Variants in NMNAT2 observed in about 807,000 individuals in gnomAD.
NMNAT2 encodes nicotinamide nucleotide adenylyltransferase 2, also known as nicotinamide/nicotinic acid mononucleotide adenylyltransferase 2.
Under a neutral mutation model 41.6 loss-of-function variants are expected in NMNAT2, and 11 were observed. That is an observed-to-expected ratio of 0.26 (90% CI 0.17 to 0.44). The LOEUF (loss-of-function observed/expected upper bound fraction) is 0.44, where lower values mean the gene tolerates loss of function less well. Among genes scored for constraint, NMNAT2 ranks in the 20% least tolerant of loss-of-function variants. The probability of loss-of-function intolerance (pLI) is 1.00; values close to 1 mark genes in which losing one functional copy is unlikely to be tolerated. For missense variants in NMNAT2, 288 were observed against 407.7 expected (o/e 0.71, Z 2.53); for synonymous variants, 148 against 151.2 (o/e 0.98, Z 0.16).
At chr1:183,256,200 G>A (rs180976390) in intron 10 of NMNAT2, among the ~76,000 whole-genome samples, 10 of 152,148 alleles carry the variant, frequency 6.6e-5, no homozygotes, top group Admixed American at 1.3e-4. Flanking sequence ...GAGGTCAGGC[G>A]TTCGAGCCCA....
chr1:183,304,219 C>T (rs1210857841), intron 1 of NMNAT2, among the ~76,000 whole-genome samples: 3 of 152,084 alleles, frequency 2.0e-5, no homozygotes, highest in East Asian at 1.9e-4. Flanking sequence ...TTTGGAAAAG[C>T]GTGCAGCACG....
intron 1 of NMNAT2, among the ~76,000 whole-genome samples, chr1:183,303,743 G>A (rs984544899): frequency 6.6e-6 from 1 of 152,236 alleles, no homozygotes; most frequent in Admixed American, 6.5e-5. Context: ...AGTTCTACTT[G>A]AGTCTGAAGT....
Position 183,265,080 on chromosome 1 carries a change from G to T in NMNAT2, c.652-3777C>A, listed in dbSNP as rs189124953. Among the ~76,000 whole-genome samples, 102 of 152,116 alleles carry T rather than the reference G, an allele frequency of 6.7e-4. 1 individual carries two copies. The highest frequency in any genetic ancestry group is 2.3e-3 in the African/African-American group (94 of 41,504). On this transcript the variant is annotated intron_variant, in intron 8 of 10. Transcript: ENST00000287713. ...GCATTAACTTCTCTCCTAACTGGAG[G>T]CTCATGTATCAGCTGCCTTCTCAAT... is the stretch of plus-strand genomic sequence containing the variant.
intron 7 of NMNAT2, 48 bp downstream of exon 7, chr1:183,283,947 G>C (rs200171127): frequency 1.4e-5 from 23 of 1,592,222 alleles, no homozygotes; most frequent in Non-Finnish European, 2.0e-5. Context: ...CGTGAAGGCA[G>C]GGAGCTCCAA....
At chr1:183,417,471 G>T (rs923195738) in intron 1 of NMNAT2, among the ~76,000 whole-genome samples, 2 of 152,120 alleles carry the variant, frequency 1.3e-5, no homozygotes, top group South Asian at 4.1e-4. Context: ...CTTCGGCTCC[G>T]GCTCGCGCAG....
At chr1:183,374,296 A>ACC (rs71127347) in intron 1 of NMNAT2, among the ~76,000 whole-genome samples, 1 of 151,860 alleles carries the variant, frequency 6.6e-6, no homozygotes, top group South Asian at 2.1e-4. Context: ...ATCTGCTTGC[A>ACC]CCCCCCTGGC....
In NMNAT2 at chr1:183,333,147, T is replaced by C. The variant is rs533038723; in HGVS notation, c.86-39354A>G. Among the ~76,000 whole-genome samples the C allele has an allele frequency of 2.0e-5, 3 of 152,218 alleles. No individual in the cohort carries two copies. In the East Asian group the frequency reaches 5.8e-4, roughly 29 times the overall value. ...GGAACAAAACCCAGGTGGAAGCCAATGCCCAGAGAACTCTCCAGGGGATAC... is the reference window on the plus strand; with the variant it reads ...GGAACAAAACCCAGGTGGAAGCCAACGCCCAGAGAACTCTCCAGGGGATAC... On this transcript the variant is annotated intron_variant, in intron 1 of 10. Coordinates refer to ENST00000287713, the MANE Select transcript of NMNAT2 (RefSeq NM_015039.4).
At chr1:183,362,521 CA>C (rs1459184466) in intron 1 of NMNAT2, among the ~76,000 whole-genome samples, 1 of 152,226 alleles carries the variant, frequency 6.6e-6, no homozygotes, top group Non-Finnish European at 1.5e-5. Flanking sequence ...TGGAATCATA[CA>C]ATAGATGACG....
rs527721915 is a variant in NMNAT2 at position 183,304,921 on chromosome 1, A to C, written c.86-11128T>G. On this transcript the variant is annotated intron_variant, in intron 1 of 10. Coordinates refer to ENST00000287713, the MANE Select transcript of NMNAT2 (RefSeq NM_015039.4). ...GAAATGATTTATGACCCTCCCTTCC[A>C]TAACTGTCACTTCTGCCAGACCATG... 12 of 1,388,076 alleles carry C rather than the reference A, an allele frequency of 8.6e-6. No homozygotes were observed. In the African/African-American group the frequency reaches 1.7e-4, roughly 20 times the overall value. The allele number at this position is 1,388,076 out of a possible 1,614,324, so 86.0% of individuals were successfully genotyped here.
At chr1:183,355,242 G>A (rs1185326498) in intron 1 of NMNAT2, among the ~76,000 whole-genome samples, 1 of 152,140 alleles carries the variant, frequency 6.6e-6, no homozygotes, top group Non-Finnish European at 1.5e-5. Flanking sequence ...ATCTGTGTTA[G>A]GTCCTCCTCA....
At chr1:183,308,583 C>T (rs1662045852) in intron 1 of NMNAT2, among the ~76,000 whole-genome samples, 1 of 152,064 alleles carries the variant, frequency 6.6e-6, no homozygotes, top group South Asian at 2.1e-4. Flanking sequence ...TTGGTACGTC[C>T]ATTTGAAGGA....
At chr1:183,396,380 A>G (rs1017992264) in intron 1 of NMNAT2, among the ~76,000 whole-genome samples, 1 of 152,152 alleles carries the variant, frequency 6.6e-6, no homozygotes, top group Non-Finnish European at 1.5e-5. Context: ...GTCTCCCAGT[A>G]GACAGAAAAC....
At chr1:183,379,305 C>G (rs1373839532) in intron 1 of NMNAT2, among the ~76,000 whole-genome samples, 1 of 152,004 alleles carries the variant, frequency 6.6e-6, no homozygotes, top group Non-Finnish European at 1.5e-5. Context: ...CTGAGCCTCC[C>G]CAGCAGTTGG....
At chr1:183,326,867 G>T (rs1291111073) in intron 1 of NMNAT2, among the ~76,000 whole-genome samples, 1 of 152,136 alleles carries the variant, frequency 6.6e-6, no homozygotes, top group African/African-American at 2.4e-5. Context: ...GACTCTGAGG[G>T]TTAAAGAAGG....
intron 1 of NMNAT2, among the ~76,000 whole-genome samples, chr1:183,340,567 G>T (rs936144483): frequency 3.9e-5 from 6 of 151,974 alleles, no homozygotes; most frequent in African/African-American, 1.5e-4. Flanking sequence ...CGGGTGATCC[G>T]CCTGCCTCAG....
chr1:183,379,092 A>ATCTAT (rs142685154), intron 1 of NMNAT2, among the ~76,000 whole-genome samples: 20,877 of 114,614 alleles, frequency 0.18, 1,808 homozygotes, highest in East Asian at 0.41. Context: ...CTATATCTAT[A>ATCTAT]ATCTATAATC....
chr1:183,259,894 C>T (rs1012483166), intron 10 of NMNAT2, among the ~76,000 whole-genome samples: 20 of 152,134 alleles, frequency 1.3e-4, no homozygotes, highest in African/African-American at 4.6e-4. Flanking sequence ...CCACTGCGCC[C>T]GGCCTGTCCA....
chr1:183,389,841 AAAGG>A (rs1557897802), intron 1 of NMNAT2, among the ~76,000 whole-genome samples: 4 of 70,432 alleles, frequency 5.7e-5, no homozygotes, highest in African/African-American at 1.4e-4. Flanking sequence ...AGAAAGAAAG[AAAGG>A]AAAAAAGAGA....
intron 1 of NMNAT2, among the ~76,000 whole-genome samples, chr1:183,417,856 T>C (rs1006160106): frequency 2.0e-5 from 3 of 152,052 alleles, no homozygotes; most frequent in Non-Finnish European, 4.4e-5. Context: ...GCCAGCCTGG[T>C]AGCCGAACCA....
Sources: gnomAD v4.1 joint callset for allele counts (sites outside exome capture counted in the v4.1 genomes callset) on GRCh38, gnomAD v4.1.1 for gene constraint, MANE v1.5 for transcripts, NCBI Gene and HGNC (gene_info 2026-07-23, HGNC 2026-07-21) for gene names.